The following ANKHD1 variants were observed in gnomAD, a reference collection of about 807,000 sequenced individuals.
ANKHD1 encodes ankyrin repeat and KH domain containing 1, also known as ankyrin repeat and KH domain-containing protein 1.
In ANKHD1, 31 loss-of-function variants were observed where a neutral mutation model predicts 230.5. The ratio of observed to expected loss-of-function variants is 0.13; its 90% CI spans 0.10 to 0.18. The LOEUF (loss-of-function observed/expected upper bound fraction) is 0.18. ANKHD1 is among the 10% of genes least tolerant of loss of function. ANKHD1 has a pLI of 1.00. For missense variants in ANKHD1, 2,256 were observed against 3,071.3 expected, an observed-to-expected ratio of 0.73 and a Z score of 6.27; for synonymous variants, 1,074 against 1,117.6, an observed-to-expected ratio of 0.96 and a Z score of 0.78.
chr5:140,417,316 T>C (rs1459552889), intron 1 of ANKHD1, among the ~76,000 whole-genome samples: 1 of 152,028 alleles, frequency 6.6e-6, no homozygotes, highest in Non-Finnish European at 1.5e-5. Flanking sequence ...CCTGTAGTTA[T>C]CATTATGACA....
At position 140,537,547 on chromosome 5, in the gene ANKHD1, G is replaced by A. The variant is rs1482935692; in HGVS notation, c.7186G>A (p.Gly2396Arg). Reference sequence around the variant, plus strand: ...GGGGACCAGTTTTGTCGCTCCCGTTGGACACAGTGGAATCTGGTCATTTGG... The same window carrying A: ...GGGGACCAGTTTTGTCGCTCCCGTTAGACACAGTGGAATCTGGTCATTTGG... The part of the protein sequence containing the change: ...PAGTSFVAPV[G>R]HSGIWSFGVN... The change falls in exon 31 of 34, where the codon GGA becomes AGA. Residue 2396 changes from glycine (G) to arginine (R), a missense_variant. Transcript: ENST00000360839. The A allele has an allele frequency of 1.2e-6, 2 of 1,607,658 alleles. No individual in the cohort carries two copies. Among genetic ancestry groups the A allele is most frequent in the Non-Finnish European group, 1.7e-6 (2 of 1,176,766 alleles).
rs1178160033 is a variant in ANKHD1, at chr5:140,491,153, TA to T, written c.2245+4094del. Among the ~76,000 whole-genome samples the T allele has an allele frequency of 4.8e-4, 49 of 102,264 alleles. 2 individuals carry two copies. The highest frequency in any genetic ancestry group is 1.9e-3 in the African/African-American group (49 of 26,462). 67.1% of individuals were successfully genotyped at this position (102,264 alleles called of 152,430 possible). On this transcript the variant is annotated intron_variant, in intron 14 of 33. Coordinates refer to ENST00000360839, the MANE Select transcript of ANKHD1 (RefSeq NM_017747.3). ...ATATATATACACATATATATATATA[TA>T]TATATATTTTTTTTTTTTTTTTTTT...
At chr5:140,424,003 T>C (rs187463415) in intron 1 of ANKHD1, among the ~76,000 whole-genome samples, 6 of 152,322 alleles carry the variant, frequency 3.9e-5, no homozygotes, top group Admixed American at 2.6e-4. Flanking sequence ...ATTTCGTAGA[T>C]AAAGGATCCA....
At chr5:140,407,578 A>T (rs1037902664) in intron 1 of ANKHD1, among the ~76,000 whole-genome samples, 11 of 141,050 alleles carry the variant, frequency 7.8e-5, no homozygotes, top group South Asian at 2.2e-4. Flanking sequence ...CACCTGATTT[A>T]AAAAAAAAAA....
intron 14 of ANKHD1, among the ~76,000 whole-genome samples, chr5:140,487,439 TTG>T (rs1351357887): frequency 1.3e-5 from 2 of 152,214 alleles, no homozygotes; most frequent in Admixed American, 6.5e-5. Context: ...AGTTAAGTCT[TTG>T]TAACATTGAT....
chr5:140,524,940 A>T, intron 25 of ANKHD1: 1 of 351,588 alleles, frequency 2.8e-6, no homozygotes, highest in South Asian at 2.1e-5. Context: ...CTCTACTTAA[A>T]AAAAAAAAAA....
intron 1 of ANKHD1, among the ~76,000 whole-genome samples, chr5:140,421,695 T>C (rs2126875058): frequency 6.6e-6 from 1 of 152,328 alleles, no homozygotes; most frequent in South Asian, 2.1e-4. Context: ...TGTCACAGTC[T>C]TATCACTTGC....
intron 22 of ANKHD1, among the ~76,000 whole-genome samples, chr5:140,511,032 C>T (rs1752744391): frequency 6.6e-6 from 1 of 151,912 alleles, no homozygotes; most frequent in African/African-American, 2.4e-5. Context: ...TGCTATGTTG[C>T]CCAGGCTGGT....
chr5:140,524,281 T>G (rs775018842), intron 25 of ANKHD1, 41 bp downstream of exon 25: 3 of 1,523,270 alleles, frequency 2.0e-6, no homozygotes, highest in Middle Eastern at 1.7e-4. Context: ...AAATTCTCCT[T>G]TGTTTATCAA....
chr5:140,458,209 A>G (rs921971372), intron 7 of ANKHD1, among the ~76,000 whole-genome samples: 2 of 152,192 alleles, frequency 1.3e-5, no homozygotes, highest in East Asian at 1.9e-4. Flanking sequence ...CGGTTTCTAC[A>G]TTTGAATATG....
At chr5:140,469,461 T>A (rs987426591) in intron 10 of ANKHD1, among the ~76,000 whole-genome samples, 1 of 151,982 alleles carries the variant, frequency 6.6e-6, no homozygotes, top group African/African-American at 2.4e-5. Flanking sequence ...AAGCTGAGAT[T>A]GCATCACTGC....
intron 1 of ANKHD1, among the ~76,000 whole-genome samples, chr5:140,425,560 C>G (rs891547727): frequency 2.7e-5 from 4 of 149,624 alleles, no homozygotes; most frequent in African/African-American, 9.9e-5. Context: ...CCCCAGGCCT[C>G]TTTTCTGTTT....
At chr5:140,539,154 A>G in intron 33 of ANKHD1, 71 bp downstream of exon 33, 2 of 1,540,048 alleles carry the variant, frequency 1.3e-6, no homozygotes, top group South Asian at 2.5e-5. Context: ...TGAGAAGTAT[A>G]AGTACTGAAT....
intron 20 of ANKHD1, 144 bp from the exon 21 acceptor site, chr5:140,509,492 CT>C (rs901722505): frequency 2.8e-5 from 28 of 987,946 alleles, no homozygotes; most frequent in Non-Finnish European, 3.6e-5. Flanking sequence ...TTGCTTAGCT[CT>C]TTTATGAGAG....
intron 29 of ANKHD1, among the ~76,000 whole-genome samples, chr5:140,534,729 C>G (rs994478122): frequency 6.6e-6 from 1 of 152,084 alleles, no homozygotes; most frequent in South Asian, 2.1e-4. Context: ...GACCTTCATC[C>G]TCTTTTCCTA....
At chr5:140,513,806 C>CAA (rs35403532) in intron 24 of ANKHD1, among the ~76,000 whole-genome samples, 2 of 118,216 alleles carry the variant, frequency 1.7e-5, no homozygotes, top group Non-Finnish European at 1.7e-5. Flanking sequence ...GAGACTGTCT[C>CAA]AAAAAAAAAA....
chr5:140,525,928 ATATT>A, intron 25 of ANKHD1, 64 bp from the exon 26 acceptor site: 1 of 1,485,678 alleles, frequency 6.7e-7, no homozygotes, highest in Non-Finnish European at 9.0e-7. Flanking sequence ...ATTATCAAAT[ATATT>A]CTGTCAGAAT....
intron 24 of ANKHD1, among the ~76,000 whole-genome samples, chr5:140,514,224 A>G (rs1472362976): frequency 6.9e-6 from 1 of 145,156 alleles, no homozygotes; most frequent in East Asian, 2.1e-4. Context: ...GACAGATGTC[A>G]TGGCTCATGC....
chr5:140,496,455 T>A, intron 14 of ANKHD1, 65 bp from the exon 15 acceptor site: 1 of 1,121,200 alleles, frequency 8.9e-7, no homozygotes, highest in Non-Finnish European at 1.2e-6. Context: ...TTTTTTTTTT[T>A]CTTTTCTTTT....
Sources: allele counts gnomAD v4.1 joint callset (sites outside exome capture counted in the v4.1 genomes callset), GRCh38; gene constraint gnomAD v4.1.1; transcripts MANE v1.5; gene names NCBI Gene and HGNC (gene_info 2026-07-23, HGNC 2026-07-21).